EXD1: variants seen among roughly 807,000 people sequenced by gnomAD.
EXD1 encodes exonuclease 3'-5' domain containing 1, also known as piRNA biogenesis protein EXD1.
Under a neutral mutation model 49.1 loss-of-function variants are expected in EXD1, and 63 were observed. The observed-to-expected ratio is 1.28, with a 90% CI of 1.05 to 1.58. EXD1 has a LOEUF of 1.58. Among genes scored for constraint, EXD1 ranks in the 40% most tolerant of loss-of-function variants. EXD1 has a pLI of 0.00. For missense variants in EXD1, 748 were observed against 666.0 expected, an observed-to-expected ratio of 1.12 and a Z score of -1.36; for synonymous variants, 234 against 239.2, an observed-to-expected ratio of 0.98 and a Z score of 0.20.
In EXD1 at chr15:41,209,584, G is replaced by C. The variant is rs775337365; in HGVS notation, c.451C>G (p.Leu151Val). The C allele has an allele frequency of 1.2e-6, 2 of 1,613,624 alleles. No homozygotes were observed. The highest frequency in any genetic ancestry group is 1.7e-5 in the Admixed American group (1 of 59,912). ...AGGACATTCTGCTTCTTGATATGGA[G>C]TATCTGGTAAGAAAAAGAAGGAAAG... ...QFQQKFGAAI[L>V]HIKKQNVLSV... is the part of the protein sequence containing the mutation. The change falls in exon 7 of 12, where the codon CTC (leucine) becomes GTC (valine). Residue 151 changes from leucine to valine, a missense_variant. Transcript: ENST00000458580.
rs2046344347 is a variant in EXD1, at chr15:41,182,857, T to C, written c.*1074A>G. On this transcript the variant is annotated 3_prime_UTR_variant, in exon 12 of 12. Transcript: ENST00000458580. ...GCCTTCCTTTCACCCTAAGAAAGTA[T>C]ACTAACTCCAGGCAAATAGAATGGA... 1 of 152,154 alleles carries C rather than the reference T, an allele frequency of 6.6e-6. No individual in the cohort carries two copies. The highest frequency in any genetic ancestry group is 2.4e-5 in the African/African-American group (1 of 41,440). The allele number at this position is 152,154 out of a possible 1,614,324, so 9.4% of individuals were successfully genotyped here.
intron 7 of EXD1, among the ~76,000 whole-genome samples, chr15:41,208,213 T>C (rs1165978263): frequency 6.6e-6 from 1 of 151,582 alleles, no homozygotes; most frequent in African/African-American, 2.4e-5. Flanking sequence ...GTATTTGTGC[T>C]GCTAATTCAA....
chr15:41,214,476 G>A (rs1364142630), intron 6 of EXD1, among the ~76,000 whole-genome samples: 1 of 147,882 alleles, frequency 6.8e-6, no homozygotes, highest in Non-Finnish European at 1.5e-5. Context: ...TCACCCCACC[G>A]AACTCCAGCC....
Position 41,209,481 on chromosome 15 carries a change from A to G in EXD1, c.534+20T>C. 1 of 1,602,974 alleles carries G rather than the reference A, an allele frequency of 6.2e-7. No homozygotes were observed. Among genetic ancestry groups the G allele is most frequent in the African/African-American group, 1.3e-5 (1 of 74,380 alleles). On this transcript the variant is annotated intron_variant, in intron 7 of 11. Coordinates refer to ENST00000458580, the MANE Select transcript of EXD1 (RefSeq NM_001286441.2). ...GCTCTATAATTACTTCAAAATAAAA[A>G]GTTTTCAAAAATCTTTCACCTGCAG...
intron 6 of EXD1, among the ~76,000 whole-genome samples, chr15:41,211,020 C>A (rs1181153381): frequency 6.6e-6 from 1 of 152,110 alleles, no homozygotes; most frequent in African/African-American, 2.4e-5. Flanking sequence ...GATGAGAATT[C>A]CTAATTACCT....
intron 2 of EXD1, among the ~76,000 whole-genome samples, chr15:41,225,859 TG>T (rs2047156024): frequency 6.6e-6 from 1 of 151,322 alleles, no homozygotes; most frequent in South Asian, 2.1e-4. Flanking sequence ...CACTCCAGCC[TG>T]GGGGATGGAG....
chr15:41,227,723 A>G (rs1053321682), intron 1 of EXD1, among the ~76,000 whole-genome samples: 1 of 151,966 alleles, frequency 6.6e-6, no homozygotes. Flanking sequence ...TGTACAAAGT[A>G]AAGAAAAAAT....
intron 1 of EXD1, among the ~76,000 whole-genome samples, chr15:41,227,088 G>A (rs1035294365): frequency 6.6e-6 from 1 of 152,098 alleles, no homozygotes; most frequent in Non-Finnish European, 1.5e-5. Flanking sequence ...TTAAGGGCAT[G>A]GTAATTTTTG....
chr15:41,191,329 A>C (rs956782072), intron 10 of EXD1, 113 bp downstream of exon 10: 6 of 961,478 alleles, frequency 6.2e-6, no homozygotes, highest in Non-Finnish European at 9.2e-6. Flanking sequence ...AGATTTTGGC[A>C]ATGTTCATAT....
chr15:41,217,757 A>G (rs1402568), intron 3 of EXD1, among the ~76,000 whole-genome samples: 1 of 151,774 alleles, frequency 6.6e-6, no homozygotes, highest in South Asian at 2.1e-4. Context: ...GCTGGTCTCA[A>G]TCTCTTGACC....
At chr15:41,223,508 C>T (rs1302989852) in intron 2 of EXD1, among the ~76,000 whole-genome samples, 1 of 151,918 alleles carries the variant, frequency 6.6e-6, no homozygotes, top group Admixed American at 6.6e-5. Flanking sequence ...ATCACTTGAG[C>T]CCAGAAGCTG....
At chr15:41,192,616 T>G (rs1191625330) in intron 9 of EXD1, among the ~76,000 whole-genome samples, 2 of 93,238 alleles carry the variant, frequency 2.1e-5, no homozygotes, top group African/African-American at 9.3e-5. Context: ...TTTTTTTTTT[T>G]TTTTTTTTTT....
intron 2 of EXD1, among the ~76,000 whole-genome samples, chr15:41,224,863 TGAGGTGGGAGGA>T (rs2047137460): frequency 6.6e-6 from 1 of 151,992 alleles, no homozygotes; most frequent in East Asian, 1.9e-4. Flanking sequence ...CTCAGGAGGC[TGAGGTGGGAGGA>T]TCACTTGACC....
In EXD1 at chr15:41,191,708, T is replaced by C. The variant is rs545492696; in HGVS notation, c.721-123A>G. 8.1e-6 allele frequency: 7 copies of C among 860,276 alleles called. No individual in the cohort carries two copies. In the East Asian group the frequency reaches 1.4e-4, roughly 17 times the overall value. 53.3% of individuals were successfully genotyped at this position (860,276 alleles called of 1,614,324 possible). The stretch of plus-strand genomic sequence containing the variant: ...CCCCAAGGACCCACACGATAGACCA[T>C]GTCATCGGAAAATTTAAAGTTGTTC... On this transcript the variant is annotated intron_variant, in intron 9 of 11. Coordinates refer to ENST00000458580, the MANE Select transcript of EXD1 (RefSeq NM_001286441.2).
At chr15:41,191,390 C>T in intron 10 of EXD1, 52 bp downstream of exon 10, 2 of 1,542,734 alleles carry the variant, frequency 1.3e-6, no homozygotes, top group African/African-American at 1.4e-5. Flanking sequence ...TAATACTGCT[C>T]AGAAAACACT....
At chr15:41,228,725 A>T (rs2047196446) in intron 1 of EXD1, among the ~76,000 whole-genome samples, 1 of 152,112 alleles carries the variant, frequency 6.6e-6, no homozygotes, top group Non-Finnish European at 1.5e-5. Flanking sequence ...TTTGAGATGG[A>T]GTCTCACTCT....
At position 41,191,535 on chromosome 15, in the gene EXD1, G is replaced by C; in HGVS notation, c.771C>G (p.Asn257Lys). Residue 257 changes from asparagine (N) to lysine (K), a missense_variant, in exon 10 of 12, where the codon AAC becomes AAG. Asn to Lys is a moderately conservative substitution (Grantham distance 94). Coordinates refer to ENST00000458580, the MANE Select transcript of EXD1 (RefSeq NM_001286441.2). ...FSMETGGYLP[N>K]CITTLQESLI... is the part of the protein sequence containing the mutation. The stretch of plus-strand genomic sequence containing the variant: ...AACTCTCCTGCAAAGTAGTGATGCA[G>C]TTTGGAAGATAGCCACCCGTTTCCA... 1 of 1,614,060 alleles carries C rather than the reference G, an allele frequency of 6.2e-7. No homozygotes were observed. Among genetic ancestry groups the C allele is most frequent in the Non-Finnish European group, 8.5e-7 (1 of 1,179,950 alleles).
chr15:41,190,572 C>A (rs552325071), intron 10 of EXD1, among the ~76,000 whole-genome samples: 1 of 152,288 alleles, frequency 6.6e-6, no homozygotes, highest in East Asian at 1.9e-4. Context: ...CTTCTATTTT[C>A]ACACTATTGA....
At chr15:41,215,754 A>G in intron 6 of EXD1, 21 bp downstream of exon 6, 1 of 1,611,026 alleles carries the variant, frequency 6.2e-7, no homozygotes, top group Non-Finnish European at 8.5e-7. Flanking sequence ...AATACTAGTA[A>G]TGATTGAGGA....
Sources: allele counts gnomAD v4.1 joint callset (sites outside exome capture counted in the v4.1 genomes callset), GRCh38; gene constraint gnomAD v4.1.1; transcripts MANE v1.5; gene names NCBI Gene and HGNC (gene_info 2026-07-23, HGNC 2026-07-21).